Variants in TOX observed in about 807,000 individuals in gnomAD.
The protein encoded by TOX is thymocyte selection-associated high mobility group box protein TOX.
In TOX, 11 loss-of-function variants were observed where a neutral mutation model predicts 53.7. That is an observed-to-expected ratio of 0.20 (90% CI 0.13 to 0.34). TOX has a LOEUF of 0.34. Ranked by LOEUF, TOX falls within the 10% of genes least tolerant of loss-of-function variation. TOX has a pLI of 1.00. For synonymous variants in TOX, 225 were observed against 245.3 expected, an observed-to-expected ratio of 0.92 and a Z score of 0.77; for missense variants, 570 against 664.6, an observed-to-expected ratio of 0.86 and a Z score of 1.56.
At chr8:59,086,731 C>T (rs1403390050) in intron 1 of TOX, among the ~76,000 whole-genome samples, 3 of 152,168 alleles carry the variant, frequency 2.0e-5, no homozygotes, top group African/African-American at 4.8e-5. Flanking sequence ...CTAAATTTCT[C>T]GGCTTGATAG....
chr8:58,887,614 C>T (rs373176043), intron 3 of TOX, among the ~76,000 whole-genome samples: 1 of 151,956 alleles, frequency 6.6e-6, no homozygotes, highest in South Asian at 2.1e-4. Context: ...ATAGTCTGTG[C>T]TTTGCTCTTC....
chr8:59,029,060 G>A (rs1003560727), intron 1 of TOX, among the ~76,000 whole-genome samples: 3 of 152,082 alleles, frequency 2.0e-5, no homozygotes, highest in Non-Finnish European at 4.4e-5. Context: ...TACAACTAAA[G>A]TACTTTCCCT....
Position 58,807,738 on chromosome 8 carries a change from T to G in TOX, c.*9A>C, listed in dbSNP as rs1452629406. 4 of 1,613,956 alleles carry G rather than the reference T, an allele frequency of 2.5e-6. No homozygotes were observed. The highest frequency in any genetic ancestry group is 3.4e-6 in the Non-Finnish European group (4 of 1,179,956). ...AATTCCTCAGTGGAAAGAAGAGGTG[T>G]TCAGATTCTCAAGTAAGGTACAGTG... On this transcript the variant is annotated 3_prime_UTR_variant, in exon 9 of 9. Transcript: ENST00000361421.
intron 1 of TOX, among the ~76,000 whole-genome samples, chr8:59,004,596 T>G (rs750812493): frequency 6.6e-6 from 1 of 152,208 alleles, no homozygotes; most frequent in Non-Finnish European, 1.5e-5. Context: ...AGTAAGAACA[T>G]AGCCTTTGTG....
At chr8:58,946,235 A>G (rs7001614) in intron 2 of TOX, among the ~76,000 whole-genome samples, 46,646 of 151,960 alleles carry the variant, frequency 0.31, 7,415 homozygotes, top group East Asian at 0.4. Context: ...TGATTCAGAG[A>G]ACTGAAGGGA....
intron 1 of TOX, among the ~76,000 whole-genome samples, chr8:58,973,965 T>C (rs747931948): frequency 1.3e-5 from 2 of 151,978 alleles, no homozygotes. Flanking sequence ...GCCTGGCTAA[T>C]TTTTGTGTTT....
At position 59,117,094 on chromosome 8, in the gene TOX, A is replaced by G. The variant is rs1268577418; in HGVS notation, c.102+1792T>C. On this transcript the variant is annotated intron_variant, in intron 1 of 8. Coordinates refer to ENST00000361421, the MANE Select transcript of TOX (RefSeq NM_014729.3). The surrounding 1 kb of genome is among the most constrained non-coding windows in gnomAD (Gnocchi z 4.6). ...GGGCCTAAAATCACTGATAAACTTA[A>G]TAAGATTTGTCCAGTCTCATTGCCA... 1.3e-5 allele frequency among the ~76,000 whole-genome samples: 2 copies of G among 152,232 alleles called. No individual in the cohort carries two copies. The highest frequency in any genetic ancestry group is 4.8e-5 in the African/African-American group (2 of 41,466).
intron 1 of TOX, among the ~76,000 whole-genome samples, chr8:59,108,408 C>T (rs934679030): frequency 6.6e-6 from 1 of 152,068 alleles, no homozygotes; most frequent in African/African-American, 2.4e-5. Context: ...GTATGACAAC[C>T]GTAGAGACTA....
At chr8:58,968,561 C>T (rs1338641268) in intron 1 of TOX, among the ~76,000 whole-genome samples, 1 of 152,160 alleles carries the variant, frequency 6.6e-6, no homozygotes, top group Non-Finnish European at 1.5e-5. Flanking sequence ...TTTCCACATC[C>T]TATCAGCTCT....
In TOX at chr8:58,934,246, A is replaced by T. The variant is rs544005753; in HGVS notation, c.411+5056T>A. Among the ~76,000 whole-genome samples the T allele has an allele frequency of 5.9e-5, 9 of 152,338 alleles. No homozygotes were observed. The East Asian group carries it at 1.7e-3, about 29-fold the overall frequency. On this transcript the variant is annotated intron_variant, in intron 3 of 8. Coordinates refer to ENST00000361421, the MANE Select transcript of TOX (RefSeq NM_014729.3). ...TCCTTTTCAAAGTGCCAGAAATTTAACTAGTTGCAGGAATCCCTACTAACA... is the reference window on the plus strand; with the variant it reads ...TCCTTTTCAAAGTGCCAGAAATTTATCTAGTTGCAGGAATCCCTACTAACA...
intron 1 of TOX, among the ~76,000 whole-genome samples, chr8:59,047,813 A>C (rs1803717130): frequency 6.6e-6 from 1 of 152,190 alleles, no homozygotes; most frequent in Non-Finnish European, 1.5e-5. Flanking sequence ...ATTCAATTAC[A>C]AACAACATTA....
chr8:58,977,043 G>A (rs1813113973), intron 1 of TOX, among the ~76,000 whole-genome samples: 1 of 152,180 alleles, frequency 6.6e-6, no homozygotes, highest in Non-Finnish European at 1.5e-5. Flanking sequence ...CCTGTCCTTT[G>A]AAGCCAGGCA....
chr8:58,988,524 C>T (rs1813378806), intron 1 of TOX, among the ~76,000 whole-genome samples: 1 of 152,052 alleles, frequency 6.6e-6, no homozygotes, highest in African/African-American at 2.4e-5. Context: ...GAAACTAGGA[C>T]AGATTAAAAA....
intron 5 of TOX, among the ~76,000 whole-genome samples, chr8:58,837,267 T>C (rs1490393180): frequency 1.3e-5 from 2 of 152,332 alleles, no homozygotes; most frequent in East Asian, 1.9e-4. Context: ...TACACAGTTA[T>C]TTCAATCACT....
intron 1 of TOX, among the ~76,000 whole-genome samples, chr8:58,994,790 A>G (rs1813527488): frequency 6.6e-6 from 1 of 152,142 alleles, no homozygotes; most frequent in Admixed American, 6.5e-5. Context: ...AACCCAACAC[A>G]TTCAAGGTCA....
chr8:59,110,452 ATTGAG>A (rs1174044695), intron 1 of TOX, among the ~76,000 whole-genome samples: 4 of 152,156 alleles, frequency 2.6e-5, no homozygotes, highest in Non-Finnish European at 4.4e-5. Context: ...TAACCATTTA[ATTGAG>A]TTAACAGACT....
At chr8:59,084,061 G>A (rs1804463568) in intron 1 of TOX, among the ~76,000 whole-genome samples, 1 of 152,106 alleles carries the variant, frequency 6.6e-6, no homozygotes, top group Non-Finnish European at 1.5e-5. Context: ...AATGTTATGA[G>A]AGGAAACATT....
intron 3 of TOX, among the ~76,000 whole-genome samples, chr8:58,907,470 G>A (rs757061551): frequency 2.6e-5 from 4 of 152,036 alleles, no homozygotes; most frequent in South Asian, 2.1e-4. Context: ...TGGCGTGCAC[G>A]TGTAATCTCA....
chr8:59,008,199 T>C (rs1813828048), intron 1 of TOX, among the ~76,000 whole-genome samples: 1 of 152,230 alleles, frequency 6.6e-6, no homozygotes. Context: ...ATCTGTGTGT[T>C]TGCTTGGATG....
Sources: gnomAD v4.1 joint callset for allele counts (sites outside exome capture counted in the v4.1 genomes callset) on GRCh38, gnomAD v4.1.1 for gene constraint, Gnocchi (gnomAD v3.1) non-coding constraint, MANE v1.5 for transcripts, NCBI Gene and HGNC (gene_info 2026-07-23, HGNC 2026-07-21) for gene names.